HNRNPD: variants seen among roughly 807,000 people sequenced by gnomAD.
HNRNPD encodes the protein heterogeneous nuclear ribonucleoprotein D0.
HNRNPD carries 3 observed loss-of-function variants against 47.9 expected under a neutral mutation model. That is an observed-to-expected ratio of 0.06 (90% CI 0.03 to 0.16). The LOEUF is 0.16. Among genes scored for constraint, HNRNPD ranks in the 10% least tolerant of loss-of-function variants. The pLI is 1.00. For missense variants in HNRNPD, 287 were observed against 454.2 expected (o/e 0.63, Z 3.35); for synonymous variants, 171 against 165.1 (o/e 1.04, Z -0.28).
At position 82,353,602 on chromosome 4, in the gene HNRNPD, G is replaced by A. The variant is rs1455083436; in HGVS notation, c.*583C>T. On this transcript the variant is annotated 3_prime_UTR_variant, in exon 9 of 9. Transcript: ENST00000313899. Reference sequence around the variant, plus strand: ...CATATAAATCTTAATGGCTACATAAGGAAGTATTATTAAAACAACCAACAA... The same window carrying A: ...CATATAAATCTTAATGGCTACATAAAGAAGTATTATTAAAACAACCAACAA... 6.6e-6 allele frequency: 1 copy of A among 152,590 alleles called. No homozygotes were observed. The highest frequency in any genetic ancestry group is 1.5e-5 in the Non-Finnish European group (1 of 68,016). The allele number at this position is 152,590 out of a possible 1,614,324, so 9.5% of individuals were successfully genotyped here.
chr4:82,368,783 A>G (rs926575047), intron 2 of HNRNPD, among the ~76,000 whole-genome samples: 1 of 152,252 alleles, frequency 6.6e-6, no homozygotes, highest in African/African-American at 2.4e-5. Flanking sequence ...AACAATGTTC[A>G]GATTGCCCCA....
intron 1 of HNRNPD, chr4:82,373,169 C>T (rs774885885): frequency 1.5e-6 from 1 of 648,434 alleles, no homozygotes; most frequent in Admixed American, 2.1e-5. Context: ...GGGAGGAGAC[C>T]CATGGCGAGG....
At chr4:82,368,612 T>C (rs1719880414) in intron 2 of HNRNPD, among the ~76,000 whole-genome samples, 1 of 152,176 alleles carries the variant, frequency 6.6e-6, no homozygotes, top group South Asian at 2.1e-4. Context: ...TTCTGGAATT[T>C]TTAACTCGGG....
intron 2 of HNRNPD, among the ~76,000 whole-genome samples, chr4:82,366,107 G>A (rs1055169318): frequency 2.0e-5 from 3 of 152,062 alleles, no homozygotes; most frequent in African/African-American, 7.2e-5. Context: ...ATTTATTCAA[G>A]ACTAATATAC....
chr4:82,367,503 A>G (rs1222643885), intron 2 of HNRNPD, among the ~76,000 whole-genome samples: 1 of 152,220 alleles, frequency 6.6e-6, no homozygotes, highest in African/African-American at 2.4e-5. Context: ...TAGGAGATTC[A>G]TTCCATGACA....
At chr4:82,354,252 T>G (rs1021948676) in intron 8 of HNRNPD, 98 bp from the exon 9 acceptor site, 1 of 152,276 alleles carries the variant, frequency 6.6e-6, no homozygotes, top group African/African-American at 2.4e-5. Flanking sequence ...TTCCACTATA[T>G]GTAAATACTG....
At chr4:82,371,302 G>C (rs1328326365) in intron 2 of HNRNPD, among the ~76,000 whole-genome samples, 1 of 152,066 alleles carries the variant, frequency 6.6e-6, no homozygotes, top group Non-Finnish European at 1.5e-5. Flanking sequence ...TTGCCAAACT[G>C]CAACTACATG....
intron 4 of HNRNPD, 72 bp downstream of exon 4, chr4:82,358,587 C>CT (rs879101953): frequency 9.5e-6 from 13 of 1,372,756 alleles, no homozygotes; most frequent in Non-Finnish European, 1.2e-5. Context: ...CCAAGTGACT[C>CT]TGAGTCCATA....
At chr4:82,355,425 C>G (rs775588162) in intron 7 of HNRNPD, 24 bp from the exon 8 acceptor site, 2 of 1,564,192 alleles carry the variant, frequency 1.3e-6, no homozygotes, top group Non-Finnish European at 8.8e-7. Context: ...AGTGTTAGAA[C>G]CAGAACGGTA....
chr4:82,355,422 G>T (rs199921262), intron 7 of HNRNPD, 21 bp from the exon 8 acceptor site: 2 of 1,575,512 alleles, frequency 1.3e-6, no homozygotes. Flanking sequence ...ACAAGTGTTA[G>T]AACCAGAACG....
chr4:82,355,788 A>G lies in HNRNPD; in HGVS notation c.1001-387T>C, dbSNP rs564508340. On this transcript the variant is annotated intron_variant, in intron 7 of 8. Transcript: ENST00000313899. ...TCTGCCCTTCTAAGAAAAGGGCCCC[A>G]ATCTCACCCAATCCATCTTTGCTGA... 8.5e-4 allele frequency: 169 copies of G among 198,050 alleles called. 1 individual carries two copies. Among genetic ancestry groups the G allele is most frequent in the Non-Finnish European group, 1.5e-3 (148 of 98,738 alleles). 12.3% of individuals were successfully genotyped at this position (198,050 alleles called of 1,614,324 possible). A position where few individuals can be genotyped will look rare whatever the true frequency, so the allele number is the denominator to read the frequency against.
chr4:82,361,444 A>G (rs1719429623), intron 2 of HNRNPD, among the ~76,000 whole-genome samples: 1 of 152,212 alleles, frequency 6.6e-6, no homozygotes, highest in East Asian at 1.9e-4. Context: ...TAACTATTAA[A>G]TTACCCTTTC....
chr4:82,357,246 A>G, intron 5 of HNRNPD, 67 bp downstream of exon 5: 1 of 1,492,874 alleles, frequency 6.7e-7, no homozygotes, highest in Non-Finnish European at 9.0e-7. Flanking sequence ...CTTTACAGAG[A>G]AAGATAAATG....
intron 2 of HNRNPD, among the ~76,000 whole-genome samples, chr4:82,359,897 A>G (rs1464000273): frequency 6.6e-6 from 1 of 152,156 alleles, no homozygotes; most frequent in Non-Finnish European, 1.5e-5. Context: ...CATATACCCA[A>G]AGTAAAAATA....
chr4:82,368,747 T>G (rs1343691651), intron 2 of HNRNPD, among the ~76,000 whole-genome samples: 1 of 152,208 alleles, frequency 6.6e-6, no homozygotes, highest in Admixed American at 6.5e-5. Context: ...ATGAGACTAC[T>G]CTAAAAGAAA....
At chr4:82,359,704 A>C in intron 2 of HNRNPD, 65 bp from the exon 3 acceptor site, 1 of 1,050,700 alleles carries the variant, frequency 9.5e-7, no homozygotes, top group Non-Finnish European at 1.4e-6. Context: ...ATCCACATCA[A>C]TAACACACCT....
chr4:82,359,617 TA>T lies in HNRNPD; in HGVS notation c.312del (p.Ser105AlafsTer9). 1 of 1,566,964 alleles carries T rather than the reference TA, an allele frequency of 6.4e-7. No individual in the cohort carries two copies. The highest frequency in any genetic ancestry group is 8.7e-7 in the Non-Finnish European group (1 of 1,146,348). On this transcript the variant is annotated frameshift_variant, in exon 3 of 9. Transcript: ENST00000313899. LOFTEE classifies it high-confidence loss of function. ...AGATCTTTCTTTGTAGTGTCCCAGC[TA>T]AGGCCTCCTATAAACATTTTCCTGT... is the stretch of plus-strand genomic sequence containing the variant. ...REEWKMFIGG[L>X]SWDTTKKDLK...
chr4:82,369,049 G>A (rs1388838779), intron 2 of HNRNPD, among the ~76,000 whole-genome samples: 1 of 152,180 alleles, frequency 6.6e-6, no homozygotes, highest in Non-Finnish European at 1.5e-5. Context: ...ATGCAGGAAA[G>A]TCTATGTACC....
intron 2 of HNRNPD, among the ~76,000 whole-genome samples, chr4:82,365,872 A>G (rs1287738447): frequency 6.7e-6 from 1 of 149,070 alleles, no homozygotes; most frequent in East Asian, 2.0e-4. Context: ...CAGCCTCCCA[A>G]AGTGCTATAT....
Sources: allele counts gnomAD v4.1 joint callset (sites outside exome capture counted in the v4.1 genomes callset), GRCh38; gene constraint gnomAD v4.1.1; transcripts MANE v1.5; gene names NCBI Gene and HGNC (gene_info 2026-07-23, HGNC 2026-07-21).